The following BRINP3 variants were observed in gnomAD, a reference collection of about 807,000 sequenced individuals.
BRINP3 encodes the protein BMP/retinoic acid-inducible neural-specific protein 3.
A neutral mutation model predicts 71.0 loss-of-function variants in BRINP3; 19 were observed. The ratio of observed to expected loss-of-function variants is 0.27; its 90% CI spans 0.19 to 0.39. The LOEUF is 0.39. BRINP3 is among the 10% of genes least tolerant of loss of function. The probability of loss-of-function intolerance (pLI) is 1.00; values close to 1 mark genes in which losing one functional copy is unlikely to be tolerated. For synonymous variants in BRINP3, 380 were observed against 337.7 expected (o/e 1.13, Z -1.37); for missense variants, 959 against 940.8 (o/e 1.02, Z -0.25).
At chr1:190,105,161 C>T (rs775131678) in intron 7 of BRINP3, among the ~76,000 whole-genome samples, 36 of 151,990 alleles carry the variant, frequency 2.4e-4, no homozygotes, top group Middle Eastern at 3.2e-3. Flanking sequence ...GTTTTGGCAG[C>T]GTTGCCTAGG....
Position 190,129,348 on chromosome 1 carries a change from T to G in BRINP3, c.1185-30214A>C, listed in dbSNP as rs375121352. Among the ~76,000 whole-genome samples the G allele has an allele frequency of 2.0e-5, 3 of 151,920 alleles. No individual in the cohort carries two copies. In the East Asian group the frequency reaches 5.8e-4, roughly 29 times the overall value. On this transcript the variant is annotated intron_variant, in intron 7 of 7. Transcript: ENST00000367462. ...CTTTTAAAAGTGACATGGTAGTAAT[T>G]TTATTGTCTACTAGATTAAGAGTGC...
At chr1:190,417,251 A>T (rs998884650) in intron 2 of BRINP3, among the ~76,000 whole-genome samples, 8 of 152,174 alleles carry the variant, frequency 5.3e-5, no homozygotes, top group African/African-American at 1.9e-4. Context: ...ACAAAAAAAA[A>T]ATCATTTTGC....
intron 3 of BRINP3, among the ~76,000 whole-genome samples, chr1:190,278,131 A>C (rs1662752961): frequency 6.6e-6 from 1 of 151,650 alleles, no homozygotes; most frequent in African/African-American, 2.4e-5. Context: ...TTTTTCATGT[A>C]TTTCTTTTTA....
At chr1:190,386,255 A>G (rs1221926880) in intron 2 of BRINP3, among the ~76,000 whole-genome samples, 1 of 151,548 alleles carries the variant, frequency 6.6e-6, no homozygotes, top group Non-Finnish European at 1.5e-5. Context: ...AAACTTAAAA[A>G]AAAAATAATA....
chr1:190,459,416 GA>G (rs1676235583), intron 1 of BRINP3, among the ~76,000 whole-genome samples: 1 of 151,582 alleles, frequency 6.6e-6, no homozygotes, highest in African/African-American at 2.4e-5. Flanking sequence ...ATATATATTT[GA>G]AATTCATAAA....
chr1:190,254,463 T>C (rs1349373492), intron 4 of BRINP3, among the ~76,000 whole-genome samples: 3 of 152,172 alleles, frequency 2.0e-5, no homozygotes, highest in Non-Finnish European at 4.4e-5. Flanking sequence ...CAGTGGTTTG[T>C]AGTTCTCCTT....
chr1:190,190,865 T>G (rs564380614), intron 6 of BRINP3, among the ~76,000 whole-genome samples: 2 of 152,248 alleles, frequency 1.3e-5, no homozygotes, highest in African/African-American at 4.8e-5. Context: ...TTCCACAAAT[T>G]TATTCACTTC....
intron 7 of BRINP3, among the ~76,000 whole-genome samples, chr1:190,135,096 T>C (rs1654858542): frequency 1.3e-5 from 2 of 152,100 alleles, no homozygotes; most frequent in Non-Finnish European, 2.9e-5. Context: ...AAGATAATCT[T>C]CCCAAGAAAC....
At chr1:190,326,105 G>A (rs943217766) in intron 2 of BRINP3, among the ~76,000 whole-genome samples, 7 of 151,980 alleles carry the variant, frequency 4.6e-5, no homozygotes, top group African/African-American at 1.7e-4. Flanking sequence ...TGGAGCTTCT[G>A]GGATTGAAAA....
chr1:190,110,831 G>A (rs989368493), intron 7 of BRINP3, among the ~76,000 whole-genome samples: 3 of 151,984 alleles, frequency 2.0e-5, no homozygotes, highest in African/African-American at 7.3e-5. Context: ...TTTGATTTTG[G>A]AAATTAAATT....
At chr1:190,469,891 C>T (rs549653315) in intron 1 of BRINP3, among the ~76,000 whole-genome samples, 1 of 151,168 alleles carries the variant, frequency 6.6e-6, no homozygotes, top group African/African-American at 2.4e-5. Context: ...TGAATAAACT[C>T]ATGCTTTAAT....
At chr1:190,357,912 C>T (rs914221836) in intron 2 of BRINP3, among the ~76,000 whole-genome samples, 6 of 151,898 alleles carry the variant, frequency 4.0e-5, no homozygotes, top group African/African-American at 9.7e-5. Context: ...AATGGGGAAA[C>T]GATTCCCTAT....
chr1:190,157,503 C>A (rs1656972938), intron 7 of BRINP3, among the ~76,000 whole-genome samples: 2 of 152,124 alleles, frequency 1.3e-5, no homozygotes, highest in South Asian at 4.1e-4. Context: ...TTAAAAAGAA[C>A]CCTAAAGTCA....
intron 2 of BRINP3, among the ~76,000 whole-genome samples, chr1:190,311,165 C>T (rs1325982115): frequency 6.6e-6 from 1 of 151,630 alleles, no homozygotes; most frequent in East Asian, 1.9e-4. Flanking sequence ...GTCCCATGTG[C>T]TTTTATCATA....
At chr1:190,280,356 A>T (rs1440542928) in intron 3 of BRINP3, among the ~76,000 whole-genome samples, 2 of 151,822 alleles carry the variant, frequency 1.3e-5, no homozygotes, top group African/African-American at 4.8e-5. Context: ...AGACACTTAG[A>T]TTTTATTTTA....
In BRINP3 at chr1:190,363,710, T is replaced by C. The variant is rs576043456; in HGVS notation, c.237-81960A>G. ...ACTGGGATCATCTGGGAGATAGCAA[T>C]GGAGAGTCTGGGCTAGAGTAATCGT... On this transcript the variant is annotated intron_variant, in intron 2 of 7. Transcript: ENST00000367462. Among the ~76,000 whole-genome samples the C allele has an allele frequency of 1.8e-4, 27 of 152,222 alleles. 1 individual carries two copies. The highest frequency in any genetic ancestry group is 1.6e-3 in the Admixed American group (24 of 15,280).
At chr1:190,143,157 G>A (rs1289768308) in intron 7 of BRINP3, among the ~76,000 whole-genome samples, 1 of 152,108 alleles carries the variant, frequency 6.6e-6, no homozygotes, top group Non-Finnish European at 1.5e-5. Flanking sequence ...TAAAATGCAA[G>A]TAGCCTATAT....
At chr1:190,287,075 A>AC (rs1475945653) in intron 2 of BRINP3, among the ~76,000 whole-genome samples, 1 of 151,640 alleles carries the variant, frequency 6.6e-6, no homozygotes, top group Non-Finnish European at 1.5e-5. Flanking sequence ...AAAGAAAAAA[A>AC]AAATAGCCGA....
intron 6 of BRINP3, among the ~76,000 whole-genome samples, chr1:190,220,970 G>A (rs891375992): frequency 2.6e-5 from 4 of 152,104 alleles, no homozygotes; most frequent in Non-Finnish European, 4.4e-5. Context: ...AATAGCTATA[G>A]CAACTTTCTA....
Sources: allele counts gnomAD v4.1 joint callset (sites outside exome capture counted in the v4.1 genomes callset), GRCh38; gene constraint gnomAD v4.1.1; transcripts MANE v1.5; gene names NCBI Gene and HGNC (gene_info 2026-07-23, HGNC 2026-07-21).